Variants in EYA3 observed in about 807,000 individuals in gnomAD.
EYA3 encodes protein phosphatase EYA3.
EYA3 carries 39 observed loss-of-function variants against 80.0 expected under a neutral mutation model. The ratio of observed to expected loss-of-function variants is 0.49; its 90% CI spans 0.38 to 0.64. EYA3 has a LOEUF of 0.64. Ranked by LOEUF, EYA3 falls within the 30% of genes least tolerant of loss-of-function variation. The pLI, the probability that EYA3 is intolerant of heterozygous loss-of-function variation, is 0.00. For missense variants in EYA3, 523 were observed against 676.1 expected, an observed-to-expected ratio of 0.77 and a Z score of 2.51; for synonymous variants, 206 against 232.8, an observed-to-expected ratio of 0.88 and a Z score of 1.05.
At chr1:28,060,171 T>C (rs1454038298) in intron 1 of EYA3, among the ~76,000 whole-genome samples, 1 of 152,236 alleles carries the variant, frequency 6.6e-6, no homozygotes, top group African/African-American at 2.4e-5. Flanking sequence ...GGAAGAGTTA[T>C]AAATTTCATC....
intron 3 of EYA3, among the ~76,000 whole-genome samples, chr1:28,046,176 T>C (rs558627362): frequency 3.9e-5 from 6 of 152,304 alleles, no homozygotes; most frequent in African/African-American, 1.4e-4. Context: ...AGATGAATGG[T>C]AGTGATGGTT....
At chr1:27,977,577 G>A (rs1429440950) in intron 17 of EYA3, among the ~76,000 whole-genome samples, 1 of 151,132 alleles carries the variant, frequency 6.6e-6, no homozygotes, top group South Asian at 2.1e-4. Context: ...TGGGCCAGGC[G>A]TGGTGGCTCA....
intron 11 of EYA3, among the ~76,000 whole-genome samples, chr1:28,003,315 C>CAAA (rs922222254): frequency 1.4e-5 from 2 of 140,850 alleles, no homozygotes; most frequent in African/African-American, 5.2e-5. Flanking sequence ...ACAACAACAA[C>CAAA]AAAATTAGCC....
intron 7 of EYA3, among the ~76,000 whole-genome samples, chr1:28,022,557 T>A (rs746526880): frequency 1.7e-4 from 26 of 152,196 alleles, no homozygotes; most frequent in Non-Finnish European, 3.7e-4. Flanking sequence ...AGAATTCATG[T>A]TTAACTCAAC....
Position 28,009,288 on chromosome 1 carries a change from T to C in EYA3, c.909+1659A>G, listed in dbSNP as rs1213761574. On this transcript the variant is annotated intron_variant, in intron 10 of 17. Transcript: ENST00000373871. This position sits in a 1 kb window ranked among gnomAD's most constrained non-coding sequence, Gnocchi z 4.8. ...GGATAAACAAAATGTGGTATATACATATAATAAAATATTCAGACATAAAAA... is the reference window on the plus strand; with the variant it reads ...GGATAAACAAAATGTGGTATATACACATAATAAAATATTCAGACATAAAAA... Among the ~76,000 whole-genome samples the C allele has an allele frequency of 2.6e-5, 4 of 152,164 alleles. No homozygotes were observed. The highest frequency in any genetic ancestry group is 4.4e-5 in the Non-Finnish European group (3 of 68,028).
chr1:27,999,889 T>C (rs1640710619), intron 12 of EYA3, 71 bp downstream of exon 12: 12 of 1,167,020 alleles, frequency 1.0e-5, no homozygotes, highest in Non-Finnish European at 1.4e-5. Flanking sequence ...TCTAATATAA[T>C]AAGCAAAAGC....
intron 2 of EYA3, among the ~76,000 whole-genome samples, chr1:28,052,155 C>T (rs984446530): frequency 3.9e-5 from 6 of 152,158 alleles, no homozygotes; most frequent in East Asian, 3.9e-4. Context: ...ACTACAGGTG[C>T]GTGCCACCAT....
At chr1:28,006,120 A>T (rs2148773602) in intron 10 of EYA3, among the ~76,000 whole-genome samples, 1 of 152,248 alleles carries the variant, frequency 6.6e-6, no homozygotes, top group East Asian at 1.9e-4. Context: ...AAAAAAAAGA[A>T]TTAAACATCA....
At chr1:28,035,784 A>C in intron 5 of EYA3, 104 bp from the exon 6 acceptor site, 1 of 1,079,900 alleles carries the variant, frequency 9.3e-7, no homozygotes, top group East Asian at 2.5e-5. Flanking sequence ...TGCAACAAGG[A>C]GACTAATCTT....
intron 9 of EYA3, among the ~76,000 whole-genome samples, chr1:28,011,410 C>G (rs1641688834): frequency 6.6e-6 from 1 of 152,298 alleles, no homozygotes; most frequent in Non-Finnish European, 1.5e-5. Context: ...CCTGGCACAA[C>G]TGACATTTTG....
chr1:28,042,550 T>A (rs762893475), intron 4 of EYA3, 21 bp downstream of exon 4: 1 of 1,604,570 alleles, frequency 6.2e-7, no homozygotes, highest in Non-Finnish European at 8.5e-7. Context: ...TGTTCAATCA[T>A]GCACAGAATA....
At chr1:28,043,347 C>A (rs2761455) in intron 3 of EYA3, among the ~76,000 whole-genome samples, 2,892 of 77,798 alleles carry the variant, frequency 0.037, 82 homozygotes, top group African/African-American at 0.11. Context: ...AAAAAAAAAA[C>A]GTGAAAACAC....
intron 6 of EYA3, among the ~76,000 whole-genome samples, chr1:28,030,860 G>C (rs572785416): frequency 6.6e-6 from 1 of 152,262 alleles, no homozygotes; most frequent in African/African-American, 2.4e-5. Context: ...TCAGTGCTAT[G>C]ATTCCTGCTG....
intron 11 of EYA3, among the ~76,000 whole-genome samples, chr1:28,001,403 A>G (rs1640828947): frequency 6.6e-6 from 1 of 151,420 alleles, no homozygotes; most frequent in Non-Finnish European, 1.5e-5. Context: ...TTTGTTTATA[A>G]TGTAAAAAAC....
chr1:28,084,775 AT>A (rs1426475632), intron 1 of EYA3, among the ~76,000 whole-genome samples: 1 of 150,612 alleles, frequency 6.6e-6, no homozygotes, highest in Non-Finnish European at 1.5e-5. Flanking sequence ...CGCCCAGCTA[AT>A]TTTTTGTATT....
At chr1:27,992,106 T>C (rs532391820) in intron 14 of EYA3, among the ~76,000 whole-genome samples, 5 of 152,302 alleles carry the variant, frequency 3.3e-5, no homozygotes, top group African/African-American at 7.2e-5. Context: ...ATGAACCAAA[T>C]TGATCTGTAA....
At chr1:28,027,595 A>G (rs1429927041) in intron 7 of EYA3, among the ~76,000 whole-genome samples, 194 bp downstream of exon 7, 1 of 152,184 alleles carries the variant, frequency 6.6e-6, no homozygotes, top group Admixed American at 6.6e-5. Context: ...AGGCTAAACT[A>G]CTTATAAACC....
chr1:28,008,760 A>T (rs1476691187), intron 10 of EYA3, among the ~76,000 whole-genome samples: 1 of 152,146 alleles, frequency 6.6e-6, no homozygotes, highest in Non-Finnish European at 1.5e-5. Context: ...CCTGGCCAAC[A>T]TGGTGAAACC....
chr1:28,019,867 A>G (rs913692300), intron 7 of EYA3, among the ~76,000 whole-genome samples: 15 of 151,566 alleles, frequency 9.9e-5, no homozygotes, highest in Middle Eastern at 6.8e-3. Context: ...AGCCCGGCTA[A>G]TGCTGCATTT....
Sources: allele counts gnomAD v4.1 joint callset (sites outside exome capture counted in the v4.1 genomes callset), GRCh38; gene constraint gnomAD v4.1.1; non-coding constraint Gnocchi (gnomAD v3.1); transcripts MANE v1.5; gene names NCBI Gene and HGNC (gene_info 2026-07-23, HGNC 2026-07-21).